Variants in HIP1 observed in about 807,000 individuals in gnomAD.
The protein encoded by HIP1 is huntingtin-interacting protein 1.
In HIP1, 65 loss-of-function variants were observed where a neutral mutation model predicts 147.6. The ratio of observed to expected loss-of-function variants is 0.44; its 90% CI spans 0.36 to 0.54. The LOEUF (loss-of-function observed/expected upper bound fraction) is 0.54. Ranked by LOEUF, HIP1 falls within the 20% of genes least tolerant of loss-of-function variation. HIP1 has a pLI of 0.00. For missense variants in HIP1, 1,061 were observed against 1,299.6 expected, an observed-to-expected ratio of 0.82 and a Z score of 2.82; for synonymous variants, 479 against 504.0, an observed-to-expected ratio of 0.95 and a Z score of 0.67.
intron 1 of HIP1, among the ~76,000 whole-genome samples, chr7:75,738,160 C>T (rs1802085602): frequency 6.6e-6 from 1 of 152,194 alleles, no homozygotes; most frequent in Admixed American, 6.5e-5. Context: ...ATGGTCTCCA[C>T]TTTAGCCCCC....
intron 1 of HIP1, among the ~76,000 whole-genome samples, chr7:75,667,451 T>G (rs1204895625): frequency 3.3e-5 from 5 of 152,212 alleles, no homozygotes; most frequent in African/African-American, 1.2e-4. Context: ...ATGAAAAAAT[T>G]CTATAAACCA....
At chr7:75,549,103 G>T (rs1310898589) in intron 22 of HIP1, 102 bp from the exon 23 acceptor site, 1 of 794,426 alleles carries the variant, frequency 1.3e-6, no homozygotes, top group African/African-American at 1.7e-5. Context: ...AGGCCACCCA[G>T]CAAACACCTT....
intron 1 of HIP1, among the ~76,000 whole-genome samples, chr7:75,600,664 T>G (rs1302312677): frequency 6.6e-6 from 1 of 152,194 alleles, no homozygotes; most frequent in African/African-American, 2.4e-5. Context: ...AAAATTAGAT[T>G]GTCATATATA....
At chr7:75,574,300 T>C (rs1212297135) in intron 7 of HIP1, among the ~76,000 whole-genome samples, 1 of 145,644 alleles carries the variant, frequency 6.9e-6, no homozygotes, top group East Asian at 2.1e-4. Flanking sequence ...AAAAAAAAAG[T>C]GGTTTTGGCA....
At chr7:75,612,880 G>A (rs112165876) in intron 1 of HIP1, among the ~76,000 whole-genome samples, 17,728 of 152,040 alleles carry the variant, frequency 0.12, 2,181 homozygotes, top group African/African-American at 0.31. Context: ...GAGGCAGGCA[G>A]ATCACTTGAG....
In HIP1 at chr7:75,537,983, T is replaced by C. The variant is rs1266485357; in HGVS notation, c.*189A>G. On this transcript the variant is annotated 3_prime_UTR_variant, in exon 31 of 31. Coordinates refer to ENST00000336926, the MANE Select transcript of HIP1 (RefSeq NM_005338.7). Reference sequence around the variant, plus strand: ...GGCGGGAAAAGAACAGAGATGACCATGGGTCCAAACAGAAAGGGTGTCGCT... The same window carrying C: ...GGCGGGAAAAGAACAGAGATGACCACGGGTCCAAACAGAAAGGGTGTCGCT... The C allele has an allele frequency of 1.6e-5, 10 of 630,694 alleles. No homozygotes were observed. The highest frequency in any genetic ancestry group is 1.8e-5 in the South Asian group (1 of 54,322). 39.1% of individuals were successfully genotyped at this position (630,694 alleles called of 1,614,324 possible).
At chr7:75,674,745 C>T (rs2117254386) in intron 1 of HIP1, among the ~76,000 whole-genome samples, 1 of 152,038 alleles carries the variant, frequency 6.6e-6, no homozygotes, top group Middle Eastern at 3.4e-3. Flanking sequence ...CATGCCTCGG[C>T]CTCCCAAAGT....
chr7:75,644,910 T>G (rs1259755220), intron 1 of HIP1, among the ~76,000 whole-genome samples: 2 of 152,158 alleles, frequency 1.3e-5, no homozygotes, highest in Non-Finnish European at 2.9e-5. Flanking sequence ...GGAGATGGAC[T>G]TTTTCAACAA....
Position 75,537,581 on chromosome 7 carries a change from A to G in HIP1, c.*591T>C, listed in dbSNP as rs587702505. ...ATAAGAAGCAGTGGAAATCCATGGC[A>G]CTGCCCAAAGAGGGGGAGAATGGCT... On this transcript the variant is annotated 3_prime_UTR_variant, in exon 31 of 31. Coordinates refer to ENST00000336926, the MANE Select transcript of HIP1 (RefSeq NM_005338.7). 8.6e-6 allele frequency: 2 copies of G among 232,914 alleles called. No individual in the cohort carries two copies. The highest frequency in any genetic ancestry group is 4.4e-5 in the African/African-American group (2 of 45,414). The allele number at this position is 232,914 out of a possible 1,614,324, so 14.4% of individuals were successfully genotyped here.
At chr7:75,636,350 CAAA>C (rs587671233) in intron 1 of HIP1, among the ~76,000 whole-genome samples, 4 of 117,060 alleles carry the variant, frequency 3.4e-5, no homozygotes. Flanking sequence ...GACTCTGTCT[CAAA>C]AAAAAAAAAA....
At chr7:75,603,389 A>T (rs1797085801) in intron 1 of HIP1, among the ~76,000 whole-genome samples, 1 of 151,670 alleles carries the variant, frequency 6.6e-6, no homozygotes, top group Admixed American at 6.6e-5. Flanking sequence ...TTTCAGAGAC[A>T]GTATTGCCCT....
chr7:75,577,355 GAGAA>G (rs1166845219), intron 7 of HIP1, among the ~76,000 whole-genome samples: 1 of 121,900 alleles, frequency 8.2e-6, no homozygotes, highest in Non-Finnish European at 1.8e-5. Flanking sequence ...ACGAGAGAGA[GAGAA>G]AAGAAAAACA....
At chr7:75,696,961 C>G (rs1359182935) in intron 1 of HIP1, among the ~76,000 whole-genome samples, 1 of 151,770 alleles carries the variant, frequency 6.6e-6, no homozygotes, top group African/African-American at 2.4e-5. Context: ...TCCCCCCATC[C>G]CAAAATGCTT....
intron 1 of HIP1, among the ~76,000 whole-genome samples, chr7:75,732,525 A>G (rs1474377920): frequency 6.6e-6 from 1 of 151,992 alleles, no homozygotes; most frequent in Non-Finnish European, 1.5e-5. Context: ...CAGCACCACC[A>G]TGCCCAGCTA....
At chr7:75,710,039 T>G (rs1554520029) in intron 1 of HIP1, among the ~76,000 whole-genome samples, 1 of 152,038 alleles carries the variant, frequency 6.6e-6, no homozygotes, top group East Asian at 1.9e-4. Context: ...GCCCGGCTAA[T>G]TTTTCTTTTC....
At chr7:75,591,809 ATGAGTTTTCAT>A (rs1796510200) in intron 4 of HIP1, among the ~76,000 whole-genome samples, 1 of 151,482 alleles carries the variant, frequency 6.6e-6, no homozygotes, top group South Asian at 2.1e-4. Context: ...ACATGAGTTT[ATGAGTTTTCAT>A]TGGCAGGAGA....
chr7:75,677,749 C>G (rs1799945336), intron 1 of HIP1, among the ~76,000 whole-genome samples: 1 of 152,062 alleles, frequency 6.6e-6, no homozygotes, highest in African/African-American at 2.4e-5. Flanking sequence ...AGTGCTCCAG[C>G]AGCTCTGGCA....
chr7:75,632,962 C>T (rs1798283654), intron 1 of HIP1, among the ~76,000 whole-genome samples: 2 of 152,224 alleles, frequency 1.3e-5, no homozygotes, highest in South Asian at 4.1e-4. Flanking sequence ...GTGATGAGAA[C>T]ACATGGACAC....
chr7:75,580,476 G>A (rs905591520), intron 7 of HIP1, among the ~76,000 whole-genome samples: 1 of 152,048 alleles, frequency 6.6e-6, no homozygotes, highest in African/African-American at 2.4e-5. Context: ...GGTAGCTCAC[G>A]CCTGTAATCC....
Sources: allele counts gnomAD v4.1 joint callset (sites outside exome capture counted in the v4.1 genomes callset), GRCh38; gene constraint gnomAD v4.1.1; transcripts MANE v1.5; gene names NCBI Gene and HGNC (gene_info 2026-07-23, HGNC 2026-07-21).